Variants in EPHA3 observed in about 807,000 individuals in gnomAD.
EPHA3 encodes EPH receptor A3.
In EPHA3, 42 loss-of-function variants were observed where a neutral mutation model predicts 107.1. That is an observed-to-expected ratio of 0.39 (90% CI 0.31 to 0.51). EPHA3 has a LOEUF of 0.51. Ranked by LOEUF, EPHA3 falls within the 20% of genes least tolerant of loss-of-function variation. The pLI, the probability that EPHA3 is intolerant of heterozygous loss-of-function variation, is 0.78. For missense variants in EPHA3, 1,183 were observed against 1,211.2 expected (o/e 0.98, Z 0.35); for synonymous variants, 461 against 424.8 (o/e 1.09, Z -1.05).
rs148616739 is a variant in EPHA3, at chr3:89,450,272, C to T, written c.2592C>T (p.Asp864=). ...YQLMLDCWQK[D]RNNRPKFEQI... ...TGATGCTGGACTGCTGGCAGAAAGA[C>T]AGGAACAACAGACCCAAGTTTGAGC... Residue 864 remains aspartate (D), a synonymous_variant, in exon 15 of 17, where the codon GAC becomes GAT. Transcript: ENST00000336596. The T allele has an allele frequency of 1.1e-5, 18 of 1,613,908 alleles. No homozygotes were observed. In the African/African-American group the frequency reaches 2.0e-4, roughly 18 times the overall value.
chr3:89,251,764 C>G (rs1435931920), intron 3 of EPHA3, among the ~76,000 whole-genome samples: 4 of 151,994 alleles, frequency 2.6e-5, no homozygotes, highest in African/African-American at 9.6e-5. Context: ...TCTTGCTTTA[C>G]TCCTAGGATG....
At chr3:89,282,338 A>G (rs1201348365) in intron 3 of EPHA3, among the ~76,000 whole-genome samples, 2 of 152,178 alleles carry the variant, frequency 1.3e-5, no homozygotes, top group Non-Finnish European at 2.9e-5. Flanking sequence ...CTTTGTTTTG[A>G]GTATTGAGGA....
intron 3 of EPHA3, among the ~76,000 whole-genome samples, chr3:89,280,025 CTGTGTGTGTG>C (rs59488710): frequency 3.5e-5 from 5 of 144,768 alleles, no homozygotes; most frequent in East Asian, 2.0e-4. Flanking sequence ...TTGTGTGCAC[CTGTGTGTGTG>C]TGTGTGTGTG....
intron 13 of EPHA3, among the ~76,000 whole-genome samples, chr3:89,431,996 A>T (rs1360959668): frequency 2.6e-5 from 4 of 152,086 alleles, no homozygotes; most frequent in Non-Finnish European, 4.4e-5. Context: ...ATTGTCAATA[A>T]ATAATCTTTA....
At chr3:89,390,820 T>C (rs1161750588) in intron 5 of EPHA3, among the ~76,000 whole-genome samples, 1 of 150,248 alleles carries the variant, frequency 6.7e-6, no homozygotes, top group Non-Finnish European at 1.5e-5. Context: ...GTTTTACTCT[T>C]GTTTTCCAGG....
At chr3:89,317,869 A>G (rs935865211) in intron 3 of EPHA3, among the ~76,000 whole-genome samples, 3 of 151,868 alleles carry the variant, frequency 2.0e-5, no homozygotes, top group Admixed American at 6.6e-5. Flanking sequence ...TACATAAGCA[A>G]TAGTCTTTGA....
chr3:89,281,316 C>T (rs1172989170), intron 3 of EPHA3, among the ~76,000 whole-genome samples: 1 of 152,168 alleles, frequency 6.6e-6, no homozygotes, highest in Non-Finnish European at 1.5e-5. Context: ...TGGGCCACCA[C>T]ACCGGGCCTC....
intron 2 of EPHA3, among the ~76,000 whole-genome samples, chr3:89,201,201 G>A (rs1483865454): frequency 3.3e-5 from 5 of 151,988 alleles, no homozygotes; most frequent in African/African-American, 9.7e-5. Context: ...AAGAGGGAAG[G>A]TTTGCACACT....
chr3:89,312,878 T>C (rs1706798400), intron 3 of EPHA3, among the ~76,000 whole-genome samples: 1 of 151,982 alleles, frequency 6.6e-6, no homozygotes, highest in Non-Finnish European at 1.5e-5. Context: ...GGATAATGGC[T>C]TCCAGTTCCC....
chr3:89,414,420 T>C (rs1406988783), intron 10 of EPHA3, among the ~76,000 whole-genome samples: 1 of 151,700 alleles, frequency 6.6e-6, no homozygotes, highest in Non-Finnish European at 1.5e-5. Flanking sequence ...AGAGTAAACA[T>C]ATTCGCTGTA....
At chr3:89,130,210 AAAG>A (rs1392162461) in intron 2 of EPHA3, among the ~76,000 whole-genome samples, 3 of 152,268 alleles carry the variant, frequency 2.0e-5, no homozygotes. Context: ...CAGCCCCTAA[AAAG>A]AAGAATGACC....
chr3:89,123,361 T>A (rs1296291836), intron 1 of EPHA3, among the ~76,000 whole-genome samples: 1 of 152,198 alleles, frequency 6.6e-6, no homozygotes, highest in Non-Finnish European at 1.5e-5. Context: ...CAGGCTGGTC[T>A]TGAACTCCTG....
intron 1 of EPHA3, among the ~76,000 whole-genome samples, chr3:89,118,619 T>C (rs1707309496): frequency 6.6e-6 from 1 of 151,828 alleles, no homozygotes; most frequent in South Asian, 2.1e-4. Flanking sequence ...AGGCACAACT[T>C]TAAGAATCAT....
chr3:89,218,182 C>T (rs1052509574), intron 3 of EPHA3, among the ~76,000 whole-genome samples: 9 of 151,824 alleles, frequency 5.9e-5, no homozygotes, highest in African/African-American at 2.2e-4. Context: ...GGTACATGTG[C>T]ACAACGTGCA....
chr3:89,216,704 T>A (rs1704230732), intron 3 of EPHA3, among the ~76,000 whole-genome samples: 2 of 152,236 alleles, frequency 1.3e-5, no homozygotes, highest in South Asian at 4.1e-4. Context: ...TAAAGAACAT[T>A]CATCTTCACT....
rs749469241 is a variant in EPHA3 at position 89,431,187 on chromosome 3, G to A, written c.2174G>A (p.Gly725Glu). The A allele has an allele frequency of 3.7e-6, 6 of 1,613,660 alleles. No homozygotes were observed. Among genetic ancestry groups the A allele is most frequent in the Non-Finnish European group, 5.1e-6 (6 of 1,179,862 alleles). ...CAGTTTACTGTCATTCAGCTAGTGG[G>A]GATGCTTCGAGGGATAGCATCTGGC... ...DAQFTVIQLV[G>E]MLRGIASGMK... Residue 725 changes from glycine to glutamate, a missense_variant, in exon 13 of 17, where the codon GGG becomes GAG. By Grantham distance (98) the Gly-to-Glu change is moderately conservative. Transcript: ENST00000336596.
intron 2 of EPHA3, among the ~76,000 whole-genome samples, chr3:89,176,327 G>T (rs967995621): frequency 6.6e-6 from 1 of 151,288 alleles, no homozygotes; most frequent in Non-Finnish European, 1.5e-5. Context: ...TTACTAAAAC[G>T]TGCAAAAATT....
intron 3 of EPHA3, among the ~76,000 whole-genome samples, chr3:89,297,163 A>G (rs1440031625): frequency 6.6e-6 from 1 of 152,192 alleles, no homozygotes; most frequent in Non-Finnish European, 1.5e-5. Context: ...TGTTCAATAG[A>G]TTAGTACCTT....
intron 3 of EPHA3, among the ~76,000 whole-genome samples, chr3:89,301,281 A>G (rs1187279858): frequency 2.6e-5 from 4 of 152,052 alleles, no homozygotes; most frequent in East Asian, 1.9e-4. Flanking sequence ...AGCCTTCTCA[A>G]TCTTTCATTT....
Sources: allele counts gnomAD v4.1 joint callset (sites outside exome capture counted in the v4.1 genomes callset), GRCh38; gene constraint gnomAD v4.1.1; transcripts MANE v1.5; gene names NCBI Gene and HGNC (gene_info 2026-07-23, HGNC 2026-07-21).